Variants in SORCS1 observed in about 807,000 individuals in gnomAD.
SORCS1 encodes sortilin related VPS10 domain containing receptor 1.
A neutral mutation model predicts 146.1 loss-of-function variants in SORCS1; 60 were observed. That is an observed-to-expected ratio of 0.41 (90% CI 0.33 to 0.51). The LOEUF (loss-of-function observed/expected upper bound fraction) is 0.51, where lower values mean the gene tolerates loss of function less well. SORCS1 is among the 20% of genes least tolerant of loss of function. SORCS1 has a pLI of 0.21. For missense variants in SORCS1, 1,352 were observed against 1,487.6 expected (o/e 0.91, Z 1.50); for synonymous variants, 637 against 584.0 (o/e 1.09, Z -1.31).
intron 5 of SORCS1, among the ~76,000 whole-genome samples, chr10:106,740,282 G>C (rs1004371018): frequency 6.6e-6 from 1 of 152,144 alleles, no homozygotes; most frequent in African/African-American, 2.4e-5. Context: ...GTGGGTGCAG[G>C]TAAGTCACCA....
At chr10:107,163,567 G>T (rs1969867527) in intron 1 of SORCS1, among the ~76,000 whole-genome samples, 1 of 152,204 alleles carries the variant, frequency 6.6e-6, no homozygotes, top group African/African-American at 2.4e-5. Context: ...CTTTGAGCCA[G>T]TACATAGGTC....
In SORCS1 at chr10:106,679,678, C is replaced by A; in HGVS notation, c.1617G>T (p.Gly539=). 1 of 1,612,768 alleles carries A rather than the reference C, an allele frequency of 6.2e-7. No homozygotes were observed. Residue 539 remains glycine (G), a synonymous_variant, in exon 11 of 26, where the codon GGG becomes GGT. Coordinates refer to ENST00000263054, the MANE Select transcript of SORCS1 (RefSeq NM_052918.5). The stretch of plus-strand genomic sequence containing the variant: ...GAGCTGTGTCTTTGCTGGCAATGAT[C>A]CCTGATGTGTAGGGATTCTCAGAGA... ...LKVSENPYTS[G]IIASKDTAPS...
At chr10:106,979,989 T>G (rs1956186003) in intron 1 of SORCS1, among the ~76,000 whole-genome samples, 1 of 152,236 alleles carries the variant, frequency 6.6e-6, no homozygotes, top group East Asian at 1.9e-4. Flanking sequence ...ATTATCATCA[T>G]TATGGTGAAT....
intron 1 of SORCS1, among the ~76,000 whole-genome samples, chr10:107,033,124 A>G (rs1564950858): frequency 6.6e-6 from 1 of 152,188 alleles, no homozygotes; most frequent in Non-Finnish European, 1.5e-5. Context: ...ACTTACAATC[A>G]TGGTGGAAGG....
At position 106,956,389 on chromosome 10, in the gene SORCS1, A is replaced by G. The variant is rs1383928632; in HGVS notation, c.626+124T>C. 5 of 791,914 alleles carry G rather than the reference A, an allele frequency of 6.3e-6. No individual in the cohort carries two copies. In the African/African-American group the frequency reaches 6.9e-5, roughly 11 times the overall value. The allele number at this position is 791,914 out of a possible 1,614,324, so 49.1% of individuals were successfully genotyped here. A position where few individuals can be genotyped will look rare whatever the true frequency, so the allele number is the denominator to read the frequency against. On this transcript the variant is annotated intron_variant, in intron 2 of 25. Coordinates refer to ENST00000263054, the MANE Select transcript of SORCS1 (RefSeq NM_052918.5). The stretch of plus-strand genomic sequence containing the variant: ...GCATCACTAAAGGAAACAGAGAAGA[A>G]AGAGAGAAAGCAAGCAGTGCATATC...
At chr10:106,936,135 T>G (rs1342363661) in intron 2 of SORCS1, among the ~76,000 whole-genome samples, 1 of 152,130 alleles carries the variant, frequency 6.6e-6, no homozygotes, top group African/African-American at 2.4e-5. Context: ...AAATCTCACT[T>G]CCCCTTTTCT....
In SORCS1 at chr10:107,117,201, A is replaced by T. The variant is rs1966094146; in HGVS notation, c.558+46768T>A. Among the ~76,000 whole-genome samples the T allele has an allele frequency of 3.3e-5, 5 of 152,334 alleles. No homozygotes were observed. The South Asian group carries it at 1.0e-3, about 32-fold the overall frequency. On this transcript the variant is annotated intron_variant, in intron 1 of 25. Coordinates refer to ENST00000263054, the MANE Select transcript of SORCS1 (RefSeq NM_052918.5). ...AATATGGGTGTGAACTATGAACTTAATCCACCACCCAAGCAGGAAAACTGC... is the reference window on the plus strand; with the variant it reads ...AATATGGGTGTGAACTATGAACTTATTCCACCACCCAAGCAGGAAAACTGC...
intron 1 of SORCS1, among the ~76,000 whole-genome samples, chr10:107,127,585 A>C (rs1404670726): frequency 6.6e-6 from 1 of 152,220 alleles, no homozygotes; most frequent in Non-Finnish European, 1.5e-5. Context: ...AGAGGAACTT[A>C]AACAAACAAT....
At chr10:106,985,589 G>A (rs1956435895) in intron 1 of SORCS1, among the ~76,000 whole-genome samples, 1 of 148,020 alleles carries the variant, frequency 6.8e-6, no homozygotes, top group Non-Finnish European at 1.5e-5. Context: ...AGGTTGGAGT[G>A]CAGTGGCACG....
rs1859117781 is a variant in SORCS1 at position 106,761,645 on chromosome 10, T to C, written c.902A>G (p.Glu301Gly). 6 of 1,614,020 alleles carry C rather than the reference T, an allele frequency of 3.7e-6. No homozygotes were observed. The highest frequency in any genetic ancestry group is 5.1e-6 in the Non-Finnish European group (6 of 1,180,020). ...SQDQKLYSSA[E>G]FGRRWQLIQE... ...GATAAGCTGCCATCTTCTCCCAAAT[T>C]CAGCAGAGCTGTATAACTGTAAAGA... is the stretch of plus-strand genomic sequence containing the variant. Residue 301 changes from glutamate (E) to glycine (G), a missense_variant, in exon 5 of 26, where the codon GAA becomes GGA. Coordinates refer to ENST00000263054, the MANE Select transcript of SORCS1 (RefSeq NM_052918.5).
intron 2 of SORCS1, among the ~76,000 whole-genome samples, chr10:106,922,112 T>C (rs1361207870): frequency 6.6e-6 from 1 of 152,218 alleles, no homozygotes. Flanking sequence ...TCTCCTCAGG[T>C]GGTGAACAAA....
chr10:107,096,877 T>C (rs1964579489), intron 1 of SORCS1, among the ~76,000 whole-genome samples: 1 of 152,144 alleles, frequency 6.6e-6, no homozygotes, highest in South Asian at 2.1e-4. Context: ...TAACCCAAGA[T>C]TCTCTCCATA....
intron 22 of SORCS1, among the ~76,000 whole-genome samples, chr10:106,610,995 G>A (rs771347960): frequency 1.1e-4 from 17 of 152,062 alleles, no homozygotes; most frequent in Admixed American, 2.0e-4. Context: ...TGGGAGAATC[G>A]CTTGAACCCG....
At chr10:106,850,007 T>G (rs925539279) in intron 2 of SORCS1, among the ~76,000 whole-genome samples, 5 of 152,162 alleles carry the variant, frequency 3.3e-5, no homozygotes, top group Admixed American at 1.3e-4. Flanking sequence ...GACAGAGACT[T>G]TTAAGTCTGC....
chr10:106,821,929 T>TA (rs879535333), intron 3 of SORCS1, among the ~76,000 whole-genome samples: 1,013 of 99,856 alleles, frequency 0.01, 7 homozygotes, highest in African/African-American at 0.03. Flanking sequence ...CTCAAAAAAA[T>TA]AAAAAAAAAA....
chr10:107,146,444 G>A (rs1341029869), intron 1 of SORCS1, among the ~76,000 whole-genome samples: 1 of 152,136 alleles, frequency 6.6e-6, no homozygotes, highest in Admixed American at 6.5e-5. Flanking sequence ...TTCCCGAAAA[G>A]AATCCTGGAT....
rs866255556 is a variant in SORCS1 at position 106,715,844 on chromosome 10, C to T, written c.1025-6503G>A. ...AGCGATCTCAGGTCACTGCAACCTC[C>T]CGAGTTCAAACAATTCTCCTGCCCC... is the stretch of plus-strand genomic sequence containing the variant. On this transcript the variant is annotated intron_variant, in intron 6 of 25. Coordinates refer to ENST00000263054, the MANE Select transcript of SORCS1 (RefSeq NM_052918.5). 2.0e-5 allele frequency among the ~76,000 whole-genome samples: 3 copies of T among 152,200 alleles called. 1 individual carries two copies. In the Middle Eastern group the frequency reaches 0.01, roughly 518 times the overall value.
At chr10:106,876,259 T>A (rs915463575) in intron 2 of SORCS1, among the ~76,000 whole-genome samples, 1 of 152,226 alleles carries the variant, frequency 6.6e-6, no homozygotes, top group African/African-American at 2.4e-5. Context: ...GTGCATTATT[T>A]GTGCTTTATT....
chr10:107,003,140 C>T (rs546702550), intron 1 of SORCS1, among the ~76,000 whole-genome samples: 7 of 151,806 alleles, frequency 4.6e-5, no homozygotes, highest in South Asian at 4.2e-4. Context: ...CTGTAATCCC[C>T]GCTACTTGGG....
Sources: allele counts gnomAD v4.1 joint callset (sites outside exome capture counted in the v4.1 genomes callset), GRCh38; gene constraint gnomAD v4.1.1; transcripts MANE v1.5; gene names NCBI Gene and HGNC (gene_info 2026-07-23, HGNC 2026-07-21).